The following PDE4B variants were observed in gnomAD, a reference collection of about 807,000 sequenced individuals.
The protein encoded by PDE4B is 3',5'-cyclic-AMP phosphodiesterase 4B.
Under a neutral mutation model 82.2 loss-of-function variants are expected in PDE4B, and 20 were observed. The ratio of observed to expected loss-of-function variants is 0.24; its 90% confidence interval spans 0.17 to 0.35. The LOEUF is 0.35. Ranked by LOEUF, PDE4B falls within the 10% of genes least tolerant of loss-of-function variation. The pLI is 1.00. For missense variants in PDE4B, 655 were observed against 907.2 expected (o/e 0.72, Z 3.57); for synonymous variants, 320 against 318.9 (o/e 1.00, Z -0.04).
rs59857185 is a variant in PDE4B, at chr1:65,827,068, G to A, written c.-71+33820G>A. Among the ~76,000 whole-genome samples, 408 of 151,112 alleles carry A rather than the reference G, an allele frequency of 2.7e-3. 4 individuals are homozygous for A. The highest frequency in any genetic ancestry group is 9.4e-3 in the African/African-American group (388 of 41,494). Reference sequence around the variant, plus strand: ...AGAAATTTGAATTCTGAAATTCACTGCGTGTAATCATAGCAACTGCAAACA... The same window carrying A: ...AGAAATTTGAATTCTGAAATTCACTACGTGTAATCATAGCAACTGCAAACA... On this transcript the variant is annotated intron_variant, in intron 1 of 16. Transcript: ENST00000341517.
chr1:66,322,554 G>C (rs1659478308), intron 7 of PDE4B, among the ~76,000 whole-genome samples: 1 of 152,022 alleles, frequency 6.6e-6, no homozygotes, highest in South Asian at 2.1e-4. Context: ...CAACAGACAT[G>C]AATAAATGCT....
intron 3 of PDE4B, among the ~76,000 whole-genome samples, chr1:66,068,361 A>G (rs1443871367): frequency 6.6e-6 from 1 of 151,986 alleles, no homozygotes; most frequent in Non-Finnish European, 1.5e-5. Flanking sequence ...AGATATTAGA[A>G]TTAACCAATA....
At chr1:65,798,710 A>T (rs1645661347) in intron 1 of PDE4B, among the ~76,000 whole-genome samples, 1 of 152,236 alleles carries the variant, frequency 6.6e-6, no homozygotes, top group Admixed American at 6.5e-5. Flanking sequence ...TATCATTGAA[A>T]ATACTAGTTT....
chr1:65,821,048 C>T (rs1015914379), intron 1 of PDE4B, among the ~76,000 whole-genome samples: 1 of 152,130 alleles, frequency 6.6e-6, no homozygotes, highest in African/African-American at 2.4e-5. Context: ...TTTTACCAAC[C>T]CTGGCCATAA....
At chr1:65,954,717 G>T (rs570586845) in intron 3 of PDE4B, among the ~76,000 whole-genome samples, 20 of 152,102 alleles carry the variant, frequency 1.3e-4, no homozygotes, top group African/African-American at 4.6e-4. Context: ...AATTTGATCA[G>T]TTCTCTCACT....
intron 1 of PDE4B, among the ~76,000 whole-genome samples, chr1:65,904,319 T>C (rs561072686): frequency 6.6e-6 from 1 of 152,296 alleles, no homozygotes; most frequent in African/African-American, 2.4e-5. Context: ...TAGTATTGGA[T>C]CAAAGTCTAA....
intron 1 of PDE4B, among the ~76,000 whole-genome samples, chr1:65,793,831 A>G (rs1326691609): frequency 6.6e-6 from 1 of 152,190 alleles, no homozygotes; most frequent in African/African-American, 2.4e-5. Context: ...GTGTTGGGGA[A>G]GGAAGAGGCT....
rs142000389 is a variant in PDE4B at position 65,960,925 on chromosome 1, T to C, written c.281+42090T>C. ...GATACATGGCATATACTTTTGCATGTATCAACTTAGCTCAAATCAATAAAA... is the reference window on the plus strand; with the variant it reads ...GATACATGGCATATACTTTTGCATGCATCAACTTAGCTCAAATCAATAAAA... On this transcript the variant is annotated intron_variant, in intron 3 of 16. Transcript: ENST00000341517. Among the ~76,000 whole-genome samples, 452 of 152,284 alleles carry C rather than the reference T, an allele frequency of 3.0e-3. 3 individuals are homozygous for C. The highest frequency in any genetic ancestry group is 0.01 in the African/African-American group (425 of 41,550).
chr1:65,937,099 A>G (rs1308442128), intron 3 of PDE4B, among the ~76,000 whole-genome samples: 1 of 152,170 alleles, frequency 6.6e-6, no homozygotes, highest in East Asian at 1.9e-4. Flanking sequence ...TTGTTCCCTC[A>G]AAGAAGATTA....
chr1:65,992,629 CA>C, intron 3 of PDE4B: 1 of 697,106 alleles, frequency 1.4e-6, no homozygotes, highest in Non-Finnish European at 1.9e-6. Context: ...GTGTAGCTTG[CA>C]GACAAACCTC....
chr1:66,069,230 C>T (rs1656028584), intron 3 of PDE4B, among the ~76,000 whole-genome samples: 1 of 151,940 alleles, frequency 6.6e-6, no homozygotes, highest in African/African-American at 2.4e-5. Context: ...AATCATGTTC[C>T]CATTATTGAG....
intron 3 of PDE4B, among the ~76,000 whole-genome samples, chr1:66,143,053 G>A (rs1445222316): frequency 2.0e-5 from 3 of 152,202 alleles, no homozygotes; most frequent in Middle Eastern, 3.2e-3. Context: ...CATAGCACAG[G>A]AGCCACACAG....
intron 3 of PDE4B, among the ~76,000 whole-genome samples, chr1:65,942,086 G>A (rs61799395): frequency 2.0e-5 from 3 of 151,876 alleles, no homozygotes; most frequent in African/African-American, 2.4e-5. Context: ...ACAAAATTCC[G>A]TTCCATAGCC....
chr1:66,307,680 A>G (rs1396664443), intron 7 of PDE4B, among the ~76,000 whole-genome samples: 1 of 152,148 alleles, frequency 6.6e-6, no homozygotes, highest in Admixed American at 6.6e-5. Context: ...TGGTAGACCT[A>G]ATCAATCTAG....
intron 7 of PDE4B, among the ~76,000 whole-genome samples, chr1:66,298,333 C>T (rs955447243): frequency 2.0e-5 from 3 of 152,164 alleles, no homozygotes; most frequent in Admixed American, 6.5e-5. Flanking sequence ...TGCCTGACTA[C>T]CTAATAGGCC....
chr1:65,916,734 T>A (rs1647164236), intron 2 of PDE4B, among the ~76,000 whole-genome samples: 1 of 151,786 alleles, frequency 6.6e-6, no homozygotes, highest in South Asian at 2.1e-4. Context: ...AGCCTCTAAT[T>A]TACACACATA....
At chr1:65,988,873 A>G (rs994593276) in intron 3 of PDE4B, among the ~76,000 whole-genome samples, 3 of 152,146 alleles carry the variant, frequency 2.0e-5, no homozygotes, top group Non-Finnish European at 2.9e-5. Flanking sequence ...CAACTTTTAA[A>G]GTTTGAAGGA....
At chr1:66,257,026 A>T (rs1466105899) in intron 4 of PDE4B, among the ~76,000 whole-genome samples, 1 of 152,216 alleles carries the variant, frequency 6.6e-6, no homozygotes, top group Non-Finnish European at 1.5e-5. Context: ...CACTAGGTAC[A>T]GCTTAATCTG....
chr1:65,873,980 G>A (rs1646606277), intron 1 of PDE4B, among the ~76,000 whole-genome samples: 1 of 149,838 alleles, frequency 6.7e-6, no homozygotes, highest in South Asian at 2.1e-4. Context: ...TGATGGGGAT[G>A]GCATTGAATC....
Sources: allele counts gnomAD v4.1 joint callset (sites outside exome capture counted in the v4.1 genomes callset), GRCh38; gene constraint gnomAD v4.1.1; transcripts MANE v1.5; gene names NCBI Gene and HGNC (gene_info 2026-07-23, HGNC 2026-07-21).